The following MIPOL1 variants were observed in gnomAD, a reference collection of about 807,000 sequenced individuals.
The protein encoded by MIPOL1 is mirror-image polydactyly gene 1 protein.
In MIPOL1, 57 loss-of-function variants were observed where a neutral mutation model predicts 60.9. The ratio of observed to expected loss-of-function variants is 0.94; its 90% CI spans 0.76 to 1.17. MIPOL1 has a LOEUF of 1.17. Ranked by LOEUF, MIPOL1 falls within the 50% of genes most tolerant of loss-of-function variation. The probability of loss-of-function intolerance (pLI) is 0.00; values close to 1 mark genes in which losing one functional copy is unlikely to be tolerated. For synonymous variants in MIPOL1, 179 were observed against 168.8 expected (o/e 1.06, Z -0.47); for missense variants, 551 against 511.6 (o/e 1.08, Z -0.74).
chr14:37,421,821 A>G (rs1247159291), intron 10 of MIPOL1, among the ~76,000 whole-genome samples: 2 of 146,984 alleles, frequency 1.4e-5, no homozygotes, highest in African/African-American at 5.5e-5. Context: ...GGGTTTTACA[A>G]TTTTTCTTAT....
intron 12 of MIPOL1, among the ~76,000 whole-genome samples, chr14:37,534,078 C>CA (rs564604002): frequency 0.25 from 17,318 of 68,860 alleles, 2,822 homozygotes; most frequent in African/African-American, 0.48. Context: ...GACTCCATCT[C>CA]AAAAAAAAAA....
intron 12 of MIPOL1, among the ~76,000 whole-genome samples, chr14:37,518,946 T>C (rs2095392101): frequency 1.3e-5 from 2 of 152,162 alleles, no homozygotes; most frequent in Non-Finnish European, 1.5e-5. Flanking sequence ...TTACAAAATA[T>C]TGAAATTTTA....
chr14:37,203,272 T>G (rs915537798), intron 1 of MIPOL1, among the ~76,000 whole-genome samples: 4 of 152,200 alleles, frequency 2.6e-5, no homozygotes, highest in Admixed American at 6.5e-5. Flanking sequence ...ACTACCTGTT[T>G]GTTTTAACTT....
intron 12 of MIPOL1, among the ~76,000 whole-genome samples, chr14:37,535,456 G>A (rs866891606): frequency 1.3e-5 from 2 of 152,240 alleles, no homozygotes; most frequent in African/African-American, 4.8e-5. Context: ...ATGCAGCATG[G>A]TAAATAAAAT....
chr14:37,384,805 TA>T (rs1566490701), intron 10 of MIPOL1, among the ~76,000 whole-genome samples: 1 of 152,018 alleles, frequency 6.6e-6, no homozygotes, highest in Non-Finnish European at 1.5e-5. Flanking sequence ...CCCTGTTTTT[TA>T]AGGGCAATTT....
At position 37,500,069 on chromosome 14, in the gene MIPOL1, G is replaced by A. The variant is rs760506463; in HGVS notation, c.1193G>A (p.Arg398Gln). ...ATQLQQALTE[R>Q]ANMELQLQHA... is the part of the protein sequence containing the mutation. The stretch of plus-strand genomic sequence containing the variant: ...CAACTGCAACAAGCTCTGACAGAGC[G>A]AGCAAATATGGAATTACAACTTCAA... The change falls in exon 12 of 13, where the codon CGA (arginine) becomes CAA (glutamine). Residue 398 changes from arginine to glutamine, a missense_variant. Arg to Gln is a conservative substitution (Grantham distance 43). Coordinates refer to ENST00000684589, the MANE Select transcript of MIPOL1 (RefSeq NM_001388067.1). 3.7e-5 allele frequency: 60 copies of A among 1,613,688 alleles called. No individual in the cohort carries two copies. The highest frequency in any genetic ancestry group is 3.3e-4 in the Middle Eastern group (2 of 6,080).
intron 9 of MIPOL1, among the ~76,000 whole-genome samples, chr14:37,331,315 G>A (rs1362897036): frequency 6.6e-6 from 1 of 151,532 alleles, no homozygotes; most frequent in Non-Finnish European, 1.5e-5. Flanking sequence ...GTTTTGATGG[G>A]GATTGCATTG....
At chr14:37,254,853 C>T (rs894781087) in intron 3 of MIPOL1, among the ~76,000 whole-genome samples, 2 of 151,644 alleles carry the variant, frequency 1.3e-5, no homozygotes, top group Non-Finnish European at 3.0e-5. Flanking sequence ...ACCTTTTCTC[C>T]CCCGTTTCTA....
At chr14:37,244,941 A>C (rs1235894472) in intron 1 of MIPOL1, among the ~76,000 whole-genome samples, 1 of 152,180 alleles carries the variant, frequency 6.6e-6, no homozygotes, top group Non-Finnish European at 1.5e-5. Flanking sequence ...TAAAACATCT[A>C]ATTTTTGCTG....
intron 12 of MIPOL1, among the ~76,000 whole-genome samples, chr14:37,539,075 G>T (rs1013504717): frequency 6.6e-6 from 1 of 152,036 alleles, no homozygotes; most frequent in African/African-American, 2.4e-5. Context: ...GGTGGTGGGC[G>T]CCTGTAGTCC....
At chr14:37,509,061 A>G (rs2095305053) in intron 12 of MIPOL1, among the ~76,000 whole-genome samples, 2 of 151,906 alleles carry the variant, frequency 1.3e-5, no homozygotes, top group African/African-American at 4.8e-5. Flanking sequence ...ATGGTTGCTT[A>G]AAGATTTTAT....
intron 11 of MIPOL1, among the ~76,000 whole-genome samples, chr14:37,461,020 C>T (rs2094532821): frequency 6.6e-6 from 1 of 152,100 alleles, no homozygotes; most frequent in African/African-American, 2.4e-5. Context: ...AATTCACTTG[C>T]AACCAAAAAA....
chr14:37,397,940 G>GCCTC (rs2093407842), intron 10 of MIPOL1, among the ~76,000 whole-genome samples: 1 of 152,194 alleles, frequency 6.6e-6, no homozygotes. Flanking sequence ...TCCCCAACCT[G>GCCTC]TGGAGTCTGC....
intron 11 of MIPOL1, among the ~76,000 whole-genome samples, chr14:37,465,537 C>G (rs2094587637): frequency 6.6e-6 from 1 of 152,092 alleles, no homozygotes; most frequent in South Asian, 2.1e-4. Flanking sequence ...ATTCTGAAAA[C>G]TGAACTTTAA....
intron 11 of MIPOL1, among the ~76,000 whole-genome samples, chr14:37,428,437 A>T (rs2094003426): frequency 6.6e-6 from 1 of 152,120 alleles, no homozygotes; most frequent in Admixed American, 6.5e-5. Flanking sequence ...CAAAAAATAC[A>T]AAATTTAGCA....
chr14:37,320,423 A>G, intron 9 of MIPOL1, among the ~76,000 whole-genome samples: 1 of 151,860 alleles, frequency 6.6e-6, no homozygotes. Flanking sequence ...GTAGCTTTTT[A>G]TATGTTTTTT....
At chr14:37,272,328 T>C (rs2083357848) in intron 6 of MIPOL1, among the ~76,000 whole-genome samples, 1 of 151,642 alleles carries the variant, frequency 6.6e-6, no homozygotes, top group Admixed American at 6.6e-5. Flanking sequence ...ATTTTACTTC[T>C]ATCTCATTTT....
At chr14:37,408,062 A>G (rs1347472515) in intron 10 of MIPOL1, among the ~76,000 whole-genome samples, 1 of 151,356 alleles carries the variant, frequency 6.6e-6, no homozygotes, top group African/African-American at 2.4e-5. Flanking sequence ...TTGTGGAGAC[A>G]GGCTCTTACT....
chr14:37,247,950 T>A, intron 3 of MIPOL1, 43 bp downstream of exon 3: 2 of 1,605,580 alleles, frequency 1.2e-6, no homozygotes, highest in Non-Finnish European at 1.7e-6. Context: ...CAGGTGTTGT[T>A]CTAGTTCAAG....
Sources: gnomAD v4.1 joint callset for allele counts (sites outside exome capture counted in the v4.1 genomes callset) on GRCh38, gnomAD v4.1.1 for gene constraint, MANE v1.5 for transcripts, NCBI Gene and HGNC (gene_info 2026-07-23, HGNC 2026-07-21) for gene names.